The following SNAP23 variants were observed in gnomAD, a reference collection of about 807,000 sequenced individuals.
SNAP23 encodes the protein synaptosome associated protein 23.
In SNAP23, 11 loss-of-function variants were observed where a neutral mutation model predicts 29.0. The ratio of observed to expected loss-of-function variants is 0.38; its 90% CI spans 0.24 to 0.63. The LOEUF (loss-of-function observed/expected upper bound fraction) is 0.63. Ranked by LOEUF, SNAP23 falls within the 20% of genes least tolerant of loss-of-function variation. SNAP23 has a pLI of 0.58. For synonymous variants in SNAP23, 60 were observed against 82.9 expected, an observed-to-expected ratio of 0.72 and a Z score of 1.50; for missense variants, 220 against 253.9, an observed-to-expected ratio of 0.87 and a Z score of 0.91.
intron 1 of SNAP23, among the ~76,000 whole-genome samples, chr15:42,501,252 C>T (rs1281019453): frequency 2.6e-5 from 4 of 152,216 alleles, no homozygotes; most frequent in Non-Finnish European, 5.9e-5. Context: ...CATACATACA[C>T]ACACACATTA....
chr15:42,521,306 G>A (rs973270225), intron 5 of SNAP23: 9 of 167,504 alleles, frequency 5.4e-5, no homozygotes, highest in Non-Finnish European at 7.3e-5. Context: ...TCACTAAGAG[G>A]AAGGAGTCTC....
rs1181324199 is a variant in SNAP23, at chr15:42,513,385, C to T, written c.100-14C>T. On this transcript the variant is annotated splice_polypyrimidine_tract_variant and intron_variant, in intron 3 of 7. Coordinates refer to ENST00000249647, the MANE Select transcript of SNAP23 (RefSeq NM_003825.4). ...TGTTTTGTTGTACTATCAGCTTTTC[C>T]CCCCTTGTCTTAGTCTCAGGATGCA... is the stretch of plus-strand genomic sequence containing the variant. The T allele has an allele frequency of 1.2e-6, 2 of 1,612,398 alleles. No individual in the cohort carries two copies. Among genetic ancestry groups the T allele is most frequent in the Non-Finnish European group, 1.7e-6 (2 of 1,178,700 alleles).
chr15:42,497,363 C>T (rs1418648389), intron 1 of SNAP23, among the ~76,000 whole-genome samples: 1 of 152,070 alleles, frequency 6.6e-6, no homozygotes, highest in Non-Finnish European at 1.5e-5. Context: ...CACCTGCCAC[C>T]AGGCCTGGCT....
In SNAP23 at chr15:42,529,637, C is replaced by T. The variant is rs778753684; in HGVS notation, c.426-38C>T. The T allele has an allele frequency of 2.4e-5, 38 of 1,595,462 alleles. No individual in the cohort carries two copies. In the Admixed American group the frequency reaches 3.7e-4, roughly 15 times the overall value. On this transcript the variant is annotated intron_variant, in intron 6 of 7. Coordinates refer to ENST00000249647, the MANE Select transcript of SNAP23 (RefSeq NM_003825.4). ...GTAAATCCAGACTTTTATTTAAATT[C>T]AACAAAACCTATGGAATTAACTGTC...
chr15:42,520,682 G>C (rs1263883777), intron 5 of SNAP23, among the ~76,000 whole-genome samples: 1 of 151,950 alleles, frequency 6.6e-6, no homozygotes, highest in Non-Finnish European at 1.5e-5. Context: ...TTTTAGTAGA[G>C]ACGGGGTTTC....
At chr15:42,521,199 G>A (rs567805562) in intron 5 of SNAP23, among the ~76,000 whole-genome samples, 2 of 152,152 alleles carry the variant, frequency 1.3e-5, no homozygotes, top group East Asian at 3.9e-4. Context: ...GTTGGCTGGT[G>A]GGAGAGTTTG....
At chr15:42,491,826 C>A (rs973588991), upstream of SNAP23, among the ~76,000 whole-genome samples, 1 of 152,188 alleles carries the variant, frequency 6.6e-6, no homozygotes, top group African/African-American at 2.4e-5. Context: ...AAGTGATCTG[C>A]CTGCCTTGGC....
In SNAP23 at chr15:42,532,602, G is replaced by A. The variant is rs2057577382; in HGVS notation, c.*1124G>A. The A allele has an allele frequency of 6.6e-6, 1 of 152,524 alleles. No homozygotes were observed. The highest frequency in any genetic ancestry group is 6.5e-5 in the Admixed American group (1 of 15,270). The allele number at this position is 152,524 out of a possible 1,614,324, so 9.4% of individuals were successfully genotyped here. On this transcript the variant is annotated 3_prime_UTR_variant, in exon 8 of 8. Coordinates refer to ENST00000249647, the MANE Select transcript of SNAP23 (RefSeq NM_003825.4). ...AGAAAAAATATGTAAATATATATGTGTAACATGAGAATTTCTCTCTAAAGC... is the reference window on the plus strand; with the variant it reads ...AGAAAAAATATGTAAATATATATGTATAACATGAGAATTTCTCTCTAAAGC...
At chr15:42,528,492 T>A (rs2057528278) in intron 6 of SNAP23, 72 bp downstream of exon 6, 3 of 1,359,142 alleles carry the variant, frequency 2.2e-6, no homozygotes, top group East Asian at 4.6e-5. Flanking sequence ...AGTTTAGCAG[T>A]ACATGACCCC....
At chr15:42,499,364 G>A (rs912745429) in intron 1 of SNAP23, among the ~76,000 whole-genome samples, 2 of 152,156 alleles carry the variant, frequency 1.3e-5, no homozygotes, top group South Asian at 2.1e-4. Flanking sequence ...GAGCCACCGC[G>A]CCCGGTCTAA....
chr15:42,528,310 T>C lies in SNAP23; in HGVS notation c.315T>C (p.Asp105=), dbSNP rs2057525285. 1.9e-6 allele frequency: 3 copies of C among 1,614,110 alleles called. No individual in the cohort carries two copies. The highest frequency in any genetic ancestry group is 2.5e-6 in the Non-Finnish European group (3 of 1,179,998). The change falls in exon 6 of 8, where the codon GAT becomes GAC. Residue 105 remains aspartate (D), a synonymous_variant. Transcript: ENST00000249647. ...AGGCTTATAAGACAACATGGGGAGATGGTGGAGAAAACTCACCTTGCAATG... is the reference window on the plus strand; with the variant it reads ...AGGCTTATAAGACAACATGGGGAGACGGTGGAGAAAACTCACCTTGCAATG... ...SGKAYKTTWG[D]GGENSPCNVV... is the part of the protein sequence containing the mutation.
upstream of SNAP23, among the ~76,000 whole-genome samples, chr15:42,492,155 C>G (rs1296357910): frequency 1.3e-5 from 2 of 151,980 alleles, no homozygotes; most frequent in Non-Finnish European, 2.9e-5. Context: ...AAATGATCCG[C>G]CCACCTCGGC....
chr15:42,517,167 G>A (rs770055430), intron 5 of SNAP23, among the ~76,000 whole-genome samples: 28 of 152,254 alleles, frequency 1.8e-4, no homozygotes, highest in Middle Eastern at 3.4e-3. Context: ...TGATCTGCCC[G>A]CCTCTGCCTC....
At chr15:42,491,889 A>T (rs974047341), upstream of SNAP23, among the ~76,000 whole-genome samples, 1 of 142,646 alleles carries the variant, frequency 7.0e-6, no homozygotes, top group Non-Finnish European at 1.5e-5. Flanking sequence ...GCCTACATTT[A>T]TTATTTATTT....
rs933336317 is a variant in SNAP23, at chr15:42,521,520, C to G, written c.266+6166C>G. ...GCATTATGTTTTTAAAACTTTAAACCTGCTTCTGTTCTGTTTGACTGGCAT... is the reference window on the plus strand; with the variant it reads ...GCATTATGTTTTTAAAACTTTAAACGTGCTTCTGTTCTGTTTGACTGGCAT... On this transcript the variant is annotated intron_variant, in intron 5 of 7. Transcript: ENST00000249647. 4.9e-6 allele frequency: 7 copies of G among 1,422,474 alleles called. No homozygotes were observed. The African/African-American group carries it at 7.2e-5, about 15-fold the overall frequency. 88.1% of individuals were successfully genotyped at this position (1,422,474 alleles called of 1,614,324 possible).
chr15:42,501,066 TGTG>T (rs1162154061), intron 1 of SNAP23, among the ~76,000 whole-genome samples: 1 of 152,180 alleles, frequency 6.6e-6, no homozygotes, highest in African/African-American at 2.4e-5. Flanking sequence ...TCAAGCCAGG[TGTG>T]GTGGTGTGTC....
At chr15:42,526,658 C>G (rs1354981612) in intron 5 of SNAP23, among the ~76,000 whole-genome samples, 1 of 152,072 alleles carries the variant, frequency 6.6e-6, no homozygotes, top group African/African-American at 2.4e-5. Flanking sequence ...AATCAGAGAT[C>G]AATATTTGAG....
chr15:42,514,843 C>T (rs1054338013), intron 4 of SNAP23, among the ~76,000 whole-genome samples: 1 of 151,600 alleles, frequency 6.6e-6, no homozygotes, highest in Non-Finnish European at 1.5e-5. Flanking sequence ...GCTAGGATTA[C>T]GGCACCCATC....
chr15:42,532,341 T>G lies in SNAP23; in HGVS notation c.*863T>G, dbSNP rs2057574287. On this transcript the variant is annotated 3_prime_UTR_variant, in exon 8 of 8. Coordinates refer to ENST00000249647, the MANE Select transcript of SNAP23 (RefSeq NM_003825.4). ...ACGTCGTGATCCACCCGCCTTGGCC[T>G]CCCAAAGTACTGGGATTACAGGCGT... 1 of 152,266 alleles carries G rather than the reference T, an allele frequency of 6.6e-6. No homozygotes were observed. 9.4% of individuals were successfully genotyped at this position (152,266 alleles called of 1,614,324 possible). A position where few individuals can be genotyped will look rare whatever the true frequency, so the allele number is the denominator to read the frequency against.
Sources: gnomAD v4.1 joint callset for allele counts (sites outside exome capture counted in the v4.1 genomes callset) on GRCh38, gnomAD v4.1.1 for gene constraint, MANE v1.5 for transcripts, NCBI Gene and HGNC (gene_info 2026-07-23, HGNC 2026-07-21) for gene names.